Variants in AGPAT4 observed in about 807,000 individuals in gnomAD.
The protein encoded by AGPAT4 is 1-acylglycerol-3-phosphate O-acyltransferase 4.
AGPAT4 carries 15 observed loss-of-function variants against 48.0 expected under a neutral mutation model. That is an observed-to-expected ratio of 0.31 (90% CI 0.21 to 0.48). AGPAT4 has a LOEUF of 0.48. AGPAT4 is among the 20% of genes least tolerant of loss of function. The pLI is 0.99. For synonymous variants in AGPAT4, 178 were observed against 198.7 expected (o/e 0.90, Z 0.88); for missense variants, 314 against 482.5 (o/e 0.65, Z 3.27).
chr6:161,232,147 C>T lies in AGPAT4; in HGVS notation c.67G>A (p.Ala23Thr). The T allele has an allele frequency of 6.2e-7, 1 of 1,614,096 alleles. No homozygotes were observed. Among genetic ancestry groups the T allele is most frequent in the Non-Finnish European group, 8.5e-7 (1 of 1,180,016 alleles). ...CHLVFCYVFIASGLIINTIQL... is the reference protein window; with the variant it reads ...CHLVFCYVFITSGLIINTIQL... Reference sequence around the variant, plus strand: ...ATGGTGTTGATGATTAGCCCTGAGGCAATAAAGACGTAGCAGAAGACCAGG... The same window carrying T: ...ATGGTGTTGATGATTAGCCCTGAGGTAATAAAGACGTAGCAGAAGACCAGG... Residue 23 changes from alanine to threonine, a missense_variant, in exon 2 of 9, where the codon GCC becomes ACC. Coordinates refer to ENST00000320285, the MANE Select transcript of AGPAT4 (RefSeq NM_020133.3). This position sits in a 1 kb window ranked among gnomAD's most constrained non-coding sequence, Gnocchi z 6.8.
rs368604386 is a variant in AGPAT4 at position 161,155,591 on chromosome 6, G to A, written c.349-1281C>T. Among the ~76,000 whole-genome samples, 1 of 152,190 alleles carries A rather than the reference G, an allele frequency of 6.6e-6. No homozygotes were observed. The highest frequency in any genetic ancestry group is 1.5e-5 in the Non-Finnish European group (1 of 68,032). The stretch of plus-strand genomic sequence containing the variant: ...ACAAGAAACTTCTTCCCTCACATGG[G>A]ATAGAAAAGGCAGATACCTTCTAGG... On this transcript the variant is annotated intron_variant, in intron 3 of 8. Coordinates refer to ENST00000320285, the MANE Select transcript of AGPAT4 (RefSeq NM_020133.3). The surrounding 1 kb of genome is among the most constrained non-coding windows in gnomAD (Gnocchi z 5.8).
intron 2 of AGPAT4, among the ~76,000 whole-genome samples, chr6:161,191,419 G>A (rs983640900): frequency 1.3e-5 from 2 of 152,196 alleles, no homozygotes; most frequent in African/African-American, 2.4e-5. Flanking sequence ...AATTCAGTTG[G>A]AGAGACGTCA....
intron 1 of AGPAT4, among the ~76,000 whole-genome samples, chr6:161,257,601 T>C (rs1304944261): frequency 6.6e-6 from 1 of 152,174 alleles, no homozygotes; most frequent in Non-Finnish European, 1.5e-5. Flanking sequence ...ATTAAAAAAT[T>C]AAATGAAGAC....
chr6:161,162,918 T>G (rs530811054), intron 3 of AGPAT4, among the ~76,000 whole-genome samples: 1 of 152,208 alleles, frequency 6.6e-6, no homozygotes, highest in Non-Finnish European at 1.5e-5. Context: ...CACGGTTTGT[T>G]GGGCACCTTA....
rs1781797265 is a variant in AGPAT4, at chr6:161,220,225, C to T, written c.178+11811G>A. Among the ~76,000 whole-genome samples the T allele has an allele frequency of 6.6e-6, 1 of 152,124 alleles. No individual in the cohort carries two copies. ...ATAACACACTAATGTCATCATCAGA[C>T]CTCATTCCTAATACCTCCTTCTTTC... On this transcript the variant is annotated intron_variant, in intron 2 of 8. Coordinates refer to ENST00000320285, the MANE Select transcript of AGPAT4 (RefSeq NM_020133.3). This position sits in a 1 kb window ranked among gnomAD's most constrained non-coding sequence, Gnocchi z 6.0.
intron 2 of AGPAT4, among the ~76,000 whole-genome samples, chr6:161,194,795 A>G (rs1781028257): frequency 6.6e-6 from 1 of 152,090 alleles, no homozygotes; most frequent in Non-Finnish European, 1.5e-5. Context: ...GAGGAAACTT[A>G]TTTTGTTCAT....
chr6:161,271,971 C>G (rs1055087956), intron 1 of AGPAT4, among the ~76,000 whole-genome samples: 2 of 152,182 alleles, frequency 1.3e-5, no homozygotes, highest in African/African-American at 4.8e-5. Context: ...AACCGTTTCT[C>G]TGTGTACTAA....
intron 2 of AGPAT4, among the ~76,000 whole-genome samples, chr6:161,228,977 G>C (rs1782055306): frequency 6.6e-6 from 1 of 151,892 alleles, no homozygotes; most frequent in Non-Finnish European, 1.5e-5. Context: ...AAAATTCTCT[G>C]CTCAGTGTCT....
At chr6:161,168,189 G>A (rs1278698506) in intron 2 of AGPAT4, among the ~76,000 whole-genome samples, 1 of 152,058 alleles carries the variant, frequency 6.6e-6, no homozygotes, top group Non-Finnish European at 1.5e-5. Context: ...AGGGACAGAG[G>A]GACAATTTGT....
In AGPAT4 at chr6:161,215,435, CACAGACTG is replaced by C. The variant is rs1406021707; in HGVS notation, c.178+16593_178+16600del. On this transcript the variant is annotated intron_variant, in intron 2 of 8. Coordinates refer to ENST00000320285, the MANE Select transcript of AGPAT4 (RefSeq NM_020133.3). The surrounding 1 kb of genome is among the most constrained non-coding windows in gnomAD (Gnocchi z 4.5). ...AAAACATACGCATATACCCAGCAAA[CACAGACTG>C]ACAGTGACTCACCCTGATCTCATGC... is the stretch of plus-strand genomic sequence containing the variant. Among the ~76,000 whole-genome samples, 1 of 152,188 alleles carries C rather than the reference CACAGACTG, an allele frequency of 6.6e-6. No homozygotes were observed. The highest frequency in any genetic ancestry group is 1.5e-5 in the Non-Finnish European group (1 of 68,024).
At position 161,189,400 on chromosome 6, in the gene AGPAT4, G is replaced by A. The variant is rs1368769768; in HGVS notation, c.179-22983C>T. On this transcript the variant is annotated intron_variant, in intron 2 of 8. Transcript: ENST00000320285. The surrounding 1 kb of genome is among the most constrained non-coding windows in gnomAD (Gnocchi z 5.3). Reference sequence around the variant, plus strand: ...CAGGATGGAGGAGCAGGGAAGAGGAGGAAGGCATTGAGGAATCGGGGTGAA... The same window carrying A: ...CAGGATGGAGGAGCAGGGAAGAGGAAGAAGGCATTGAGGAATCGGGGTGAA... Among the ~76,000 whole-genome samples, 1 of 152,212 alleles carries A rather than the reference G, an allele frequency of 6.6e-6. No homozygotes were observed. The highest frequency in any genetic ancestry group is 1.5e-5 in the Non-Finnish European group (1 of 68,050).
At position 161,170,542 on chromosome 6, in the gene AGPAT4, A is replaced by C. The variant is rs575466117; in HGVS notation, c.179-4125T>G. Among the ~76,000 whole-genome samples the C allele has an allele frequency of 3.3e-5, 5 of 152,048 alleles. No homozygotes were observed. The South Asian group carries it at 1.0e-3, about 32-fold the overall frequency. ...ACTCAAAAAGCTTTGCCTTTAGTTG[A>C]ATGGCTTACCAGCTGATGTTTTAGT... On this transcript the variant is annotated intron_variant, in intron 2 of 8. Transcript: ENST00000320285.
chr6:161,170,094 T>C (rs1051429870), intron 2 of AGPAT4, among the ~76,000 whole-genome samples: 3 of 152,180 alleles, frequency 2.0e-5, no homozygotes, highest in Admixed American at 2.0e-4. Flanking sequence ...AAAGAACTGA[T>C]GCAAGTTTTA....
At chr6:161,188,347 T>C (rs1001514507) in intron 2 of AGPAT4, among the ~76,000 whole-genome samples, 1 of 152,206 alleles carries the variant, frequency 6.6e-6, no homozygotes. Flanking sequence ...TATTAAGGAT[T>C]ATGTATAAAT....
rs570962323 is a variant in AGPAT4 at position 161,142,355 on chromosome 6, A to C, written c.844-2735T>G. On this transcript the variant is annotated intron_variant, in intron 7 of 8. Transcript: ENST00000320285. This position sits in a 1 kb window ranked among gnomAD's most constrained non-coding sequence, Gnocchi z 6.4. ...TGGTTGTGGACCCGTTTTGTAATAA[A>C]ATTTGCCCCGCAGGGAAAGGACTCG... Among the ~76,000 whole-genome samples the C allele has an allele frequency of 2.0e-5, 3 of 152,250 alleles. No homozygotes were observed. Among genetic ancestry groups the C allele is most frequent in the East Asian group, 3.9e-4 (2 of 5,178 alleles).
chr6:161,132,794 C>G lies in AGPAT4; in HGVS notation c.*3746G>C, dbSNP rs1778943581. The G allele has an allele frequency of 6.6e-6, 1 of 152,250 alleles. No individual in the cohort carries two copies. Among genetic ancestry groups the G allele is most frequent in the Non-Finnish European group, 1.5e-5 (1 of 68,090 alleles). 9.4% of individuals were successfully genotyped at this position (152,250 alleles called of 1,614,324 possible). A position where few individuals can be genotyped will look rare whatever the true frequency, so the allele number is the denominator to read the frequency against. On this transcript the variant is annotated 3_prime_UTR_variant, in exon 9 of 9. Coordinates refer to ENST00000320285, the MANE Select transcript of AGPAT4 (RefSeq NM_020133.3). ...ATTATGAGGGGACTACTCCACAGGACCTTGGAGAGTTGCATTTTGGGGGGC... is the reference window on the plus strand; with the variant it reads ...ATTATGAGGGGACTACTCCACAGGAGCTTGGAGAGTTGCATTTTGGGGGGC...
Position 161,166,224 on chromosome 6 carries a change from G to A in AGPAT4, c.348+24C>T, listed in dbSNP as rs372692302. 1.2e-6 allele frequency: 2 copies of A among 1,609,368 alleles called. No homozygotes were observed. Among genetic ancestry groups the A allele is most frequent in the Non-Finnish European group, 1.7e-6 (2 of 1,177,204 alleles). ...CTGAACCAGAGAAATGTGTGAGGCA[G>A]GGGGGAATGCACTTCTGACTTACCC... On this transcript the variant is annotated intron_variant, in intron 3 of 8. Coordinates refer to ENST00000320285, the MANE Select transcript of AGPAT4 (RefSeq NM_020133.3). The surrounding 1 kb of genome is among the most constrained non-coding windows in gnomAD (Gnocchi z 6.7).
chr6:161,194,681 G>T (rs971206197), intron 2 of AGPAT4, among the ~76,000 whole-genome samples: 5 of 151,784 alleles, frequency 3.3e-5, no homozygotes, highest in Admixed American at 2.0e-4. Flanking sequence ...TAGATGCGTA[G>T]GTATGTATGT....
At position 161,198,182 on chromosome 6, in the gene AGPAT4, T is replaced by C; in HGVS notation, c.179-31765A>G. On this transcript the variant is annotated intron_variant, in intron 2 of 8. Coordinates refer to ENST00000320285, the MANE Select transcript of AGPAT4 (RefSeq NM_020133.3). The surrounding 1 kb of genome is among the most constrained non-coding windows in gnomAD (Gnocchi z 4.3). ...TTATTCTCAATATTAAAAGTGGATA[T>C]GCAAAAGATATTTATATTCTTTCCT... Among the ~76,000 whole-genome samples the C allele has an allele frequency of 6.6e-6, 1 of 152,248 alleles. No individual in the cohort carries two copies. The highest frequency in any genetic ancestry group is 2.1e-4 in the South Asian group (1 of 4,828).
Sources: gnomAD v4.1 joint callset for allele counts (sites outside exome capture counted in the v4.1 genomes callset) on GRCh38, gnomAD v4.1.1 for gene constraint, Gnocchi (gnomAD v3.1) non-coding constraint, MANE v1.5 for transcripts, NCBI Gene and HGNC (gene_info 2026-07-23, HGNC 2026-07-21) for gene names.